LARGE1: variants seen among roughly 807,000 people sequenced by gnomAD.
LARGE1 encodes LARGE xylosyl- and glucuronyltransferase 1.
Under a neutral mutation model 87.6 loss-of-function variants are expected in LARGE1, and 43 were observed. The observed-to-expected ratio is 0.49, with a 90% CI of 0.38 to 0.63. The LOEUF (loss-of-function observed/expected upper bound fraction) is 0.63. Among genes scored for constraint, LARGE1 ranks in the 30% least tolerant of loss-of-function variants. The pLI is 0.00. For synonymous variants in LARGE1, 434 were observed against 394.6 expected (o/e 1.10, Z -1.18); for missense variants, 802 against 1,000.2 (o/e 0.80, Z 2.67).
intron 1 of LARGE1, among the ~76,000 whole-genome samples, chr22:33,899,050 C>A (rs1359625374): frequency 6.6e-6 from 1 of 152,192 alleles, no homozygotes; most frequent in Admixed American, 6.5e-5. Context: ...CCCCTCCCTG[C>A]AGTATGGAGA....
chr22:33,652,870 T>A (rs2080860949), intron 2 of LARGE1, among the ~76,000 whole-genome samples: 1 of 152,178 alleles, frequency 6.6e-6, no homozygotes, highest in Non-Finnish European at 1.5e-5. Flanking sequence ...AAGTGCCTGG[T>A]CTTCTCCTAT....
intron 2 of LARGE1, among the ~76,000 whole-genome samples, chr22:33,694,354 G>T (rs1375286709): frequency 6.6e-6 from 1 of 152,100 alleles, no homozygotes; most frequent in Non-Finnish European, 1.5e-5. Context: ...CAACTATGAG[G>T]GTGACAGCAA....
chr22:33,683,837 C>T (rs1239359814), intron 2 of LARGE1, among the ~76,000 whole-genome samples: 1 of 152,178 alleles, frequency 6.6e-6, no homozygotes, highest in African/African-American at 2.4e-5. Flanking sequence ...AGAGTATACT[C>T]TCTCTGGAGC....
intron 10 of LARGE1, among the ~76,000 whole-genome samples, chr22:33,317,817 G>T (rs918384971): frequency 2.6e-5 from 4 of 152,172 alleles, no homozygotes; most frequent in Admixed American, 2.0e-4. Context: ...CATGTGGGGT[G>T]GGGGAGTGAA....
chr22:33,320,548 C>A (rs1053617397), intron 10 of LARGE1, among the ~76,000 whole-genome samples: 4 of 152,160 alleles, frequency 2.6e-5, no homozygotes, highest in Admixed American at 1.3e-4. Flanking sequence ...TACCATTGTC[C>A]TGAGCACCAT....
intron 1 of LARGE1, among the ~76,000 whole-genome samples, chr22:33,791,368 G>A (rs1569448560): frequency 6.6e-6 from 1 of 152,308 alleles, no homozygotes; most frequent in East Asian, 1.9e-4. Flanking sequence ...AAACTCTTCT[G>A]CACAACTCAG....
Position 33,387,877 on chromosome 22 carries a change from A to G in LARGE1, c.893-3573T>C, listed in dbSNP as rs559536648. On this transcript the variant is annotated intron_variant, in intron 7 of 14. Coordinates refer to ENST00000397394, the MANE Select transcript of LARGE1 (RefSeq NM_133642.5). The stretch of plus-strand genomic sequence containing the variant: ...ACCTAGATATAATGGTTGTTATAAT[A>G]CCTTGCCACATTTACTGTTAAAAAA... 2.1e-3 allele frequency among the ~76,000 whole-genome samples: 316 copies of G among 152,354 alleles called. 3 individuals are homozygous for G. Among genetic ancestry groups the G allele is most frequent in the Non-Finnish European group, 1.8e-4 (12 of 68,030 alleles).
intron 11 of LARGE1, among the ~76,000 whole-genome samples, chr22:33,257,019 A>G (rs1275702153): frequency 6.6e-6 from 1 of 152,132 alleles, no homozygotes; most frequent in Non-Finnish European, 1.5e-5. Flanking sequence ...CAGCCTAACC[A>G]ACATGGAGAA....
chr22:33,430,393 C>T (rs1340720886), intron 7 of LARGE1, among the ~76,000 whole-genome samples: 1 of 152,154 alleles, frequency 6.6e-6, no homozygotes, highest in Non-Finnish European at 1.5e-5. Context: ...AGAACCACTG[C>T]TCTGATGCCC....
intron 11 of LARGE1, among the ~76,000 whole-genome samples, chr22:33,172,307 A>G (rs1922618631): frequency 6.6e-6 from 1 of 152,220 alleles, no homozygotes; most frequent in African/African-American, 2.4e-5. Flanking sequence ...TTTTGAGTTA[A>G]TGCTGGAATG....
chr22:33,184,377 A>G (rs1353851310), intron 11 of LARGE1, among the ~76,000 whole-genome samples: 1 of 151,228 alleles, frequency 6.6e-6, no homozygotes, highest in Non-Finnish European at 1.5e-5. Context: ...AGAGAATAAA[A>G]AATATTATAA....
chr22:33,658,494 T>C (rs1388577759), intron 2 of LARGE1, among the ~76,000 whole-genome samples: 1 of 152,168 alleles, frequency 6.6e-6, no homozygotes, highest in Non-Finnish European at 1.5e-5. Context: ...CTTGTGTCCA[T>C]GTGCTCATTG....
At chr22:33,557,089 G>C (rs972686518) in intron 6 of LARGE1, among the ~76,000 whole-genome samples, 3 of 152,156 alleles carry the variant, frequency 2.0e-5, no homozygotes, top group African/African-American at 7.2e-5. Context: ...GCCATTACCT[G>C]ACTTAATCAC....
At chr22:33,784,113 C>T (rs1385808936) in intron 1 of LARGE1, among the ~76,000 whole-genome samples, 1 of 152,196 alleles carries the variant, frequency 6.6e-6, no homozygotes, top group Non-Finnish European at 1.5e-5. Context: ...TCTCACTAGA[C>T]TCTGCTTAAT....
intron 1 of LARGE1, among the ~76,000 whole-genome samples, chr22:33,875,566 AG>A (rs1246630535): frequency 6.6e-6 from 1 of 152,216 alleles, no homozygotes; most frequent in African/African-American, 2.4e-5. Flanking sequence ...GCATCCTCTG[AG>A]CAGTGACTGG....
the LARGE1 span, among the ~76,000 whole-genome samples, chr22:33,145,118 G>A: frequency 6.6e-6 from 1 of 152,264 alleles, no homozygotes; most frequent in East Asian, 1.9e-4. Context: ...GACATGGGAG[G>A]AAGGGCAGGA....
chr22:33,461,734 CA>C (rs2068391785), intron 6 of LARGE1, among the ~76,000 whole-genome samples: 1 of 151,038 alleles, frequency 6.6e-6, no homozygotes, highest in Non-Finnish European at 1.5e-5. Flanking sequence ...CACGCACACA[CA>C]CAGGCACACA....
chr22:33,625,078 T>C (rs2079879995), intron 4 of LARGE1, among the ~76,000 whole-genome samples: 1 of 152,202 alleles, frequency 6.6e-6, no homozygotes, highest in South Asian at 2.1e-4. Flanking sequence ...CATTTTACAC[T>C]GATCTCTGTT....
the LARGE1 span, among the ~76,000 whole-genome samples, chr22:33,069,199 G>A: frequency 6.6e-6 from 1 of 151,960 alleles, no homozygotes; most frequent in African/African-American, 2.4e-5. Context: ...TTCCTCATTC[G>A]GCCGTCTAAC....
Sources: allele counts gnomAD v4.1 joint callset (sites outside exome capture counted in the v4.1 genomes callset), GRCh38; gene constraint gnomAD v4.1.1; transcripts MANE v1.5; gene names NCBI Gene and HGNC (gene_info 2026-07-23, HGNC 2026-07-21).